PRLR: variants seen among roughly 807,000 people sequenced by gnomAD.
PRLR encodes the protein hPRL receptor.
PRLR carries 13 observed loss-of-function variants against 40.2 expected under a neutral mutation model. That is an observed-to-expected ratio of 0.32 (90% CI 0.21 to 0.51). The LOEUF is 0.51. PRLR is among the 20% of genes least tolerant of loss of function. The pLI is 0.97. For synonymous variants in PRLR, 269 were observed against 278.7 expected (o/e 0.97, Z 0.35); for missense variants, 656 against 747.3 (o/e 0.88, Z 1.42).
At chr5:35,217,507 C>T (rs1453169436) in intron 1 of PRLR, among the ~76,000 whole-genome samples, 2 of 152,186 alleles carry the variant, frequency 1.3e-5, no homozygotes, top group South Asian at 2.1e-4. Context: ...AGAGTCACTG[C>T]TACTACTACT....
intron 2 of PRLR, among the ~76,000 whole-genome samples, chr5:35,117,549 C>A (rs1561315077): frequency 6.6e-6 from 1 of 152,142 alleles, no homozygotes; most frequent in South Asian, 2.1e-4. Flanking sequence ...GGTTTCCTTG[C>A]CACTGGCAGA....
chr5:35,198,204 G>T (rs1397512773), intron 1 of PRLR, among the ~76,000 whole-genome samples: 2 of 152,200 alleles, frequency 1.3e-5, no homozygotes, highest in Non-Finnish European at 2.9e-5. Context: ...CAATGCTGCT[G>T]GCAGGAAGAT....
chr5:35,085,995 G>T (rs190210295), intron 4 of PRLR, among the ~76,000 whole-genome samples: 114 of 152,044 alleles, frequency 7.5e-4, no homozygotes, highest in Admixed American at 6.0e-3. Flanking sequence ...ATATTGTACT[G>T]CTATGGCTGG....
chr5:35,078,609 A>G (rs1000552816), intron 5 of PRLR, among the ~76,000 whole-genome samples: 2 of 152,178 alleles, frequency 1.3e-5, no homozygotes, highest in African/African-American at 4.8e-5. Flanking sequence ...ACGGATTCAC[A>G]GCCGAATTCT....
intron 1 of PRLR, among the ~76,000 whole-genome samples, chr5:35,227,167 G>T (rs971793308): frequency 1.5e-4 from 23 of 152,196 alleles, no homozygotes; most frequent in African/African-American, 5.3e-4. Context: ...TCTTGTTGTT[G>T]CTACCCGTTA....
intron 1 of PRLR, among the ~76,000 whole-genome samples, chr5:35,189,562 C>T (rs143800256): frequency 0.052 from 7,408 of 142,008 alleles, 215 homozygotes; most frequent in Middle Eastern, 0.12. Flanking sequence ...GCCTGGGTGA[C>T]AGAGAGAAAC....
chr5:35,202,676 A>G lies in PRLR; in HGVS notation c.-106+27592T>C, dbSNP rs191237578. Among the ~76,000 whole-genome samples the G allele has an allele frequency of 3.9e-5, 6 of 152,314 alleles. No homozygotes were observed. In the East Asian group the frequency reaches 1.2e-3, roughly 29 times the overall value. Reference sequence around the variant, plus strand: ...GAGCAACAGCTATTTTTAAGTAACTAAAAGATTAAATTAGTGTCTTTTAGT... The same window carrying G: ...GAGCAACAGCTATTTTTAAGTAACTGAAAGATTAAATTAGTGTCTTTTAGT... On this transcript the variant is annotated intron_variant, in intron 1 of 9. Coordinates refer to ENST00000618457, the MANE Select transcript of PRLR (RefSeq NM_000949.7).
chr5:35,108,778 T>C (rs1301224886), intron 2 of PRLR, among the ~76,000 whole-genome samples: 3 of 152,204 alleles, frequency 2.0e-5, no homozygotes, highest in African/African-American at 7.2e-5. Context: ...ATCATAAAAA[T>C]GGCCATACTG....
At chr5:35,103,083 T>C (rs1023965960) in intron 2 of PRLR, among the ~76,000 whole-genome samples, 1 of 152,186 alleles carries the variant, frequency 6.6e-6, no homozygotes, top group African/African-American at 2.4e-5. Context: ...CTACCAAACC[T>C]GTAGGTAAAT....
intron 1 of PRLR, among the ~76,000 whole-genome samples, chr5:35,183,471 TC>T (rs749785104): frequency 1.2e-4 from 18 of 152,206 alleles, no homozygotes; most frequent in Non-Finnish European, 2.4e-4. Context: ...TCTTGATATA[TC>T]CTGGCCTTAA....
chr5:35,146,195 A>G (rs531511081), intron 1 of PRLR, among the ~76,000 whole-genome samples: 2 of 152,316 alleles, frequency 1.3e-5, no homozygotes, highest in Admixed American at 6.5e-5. Context: ...ACTATTTAGA[A>G]AGGACTGCAC....
intron 1 of PRLR, among the ~76,000 whole-genome samples, chr5:35,198,282 A>G (rs1775790964): frequency 6.6e-6 from 1 of 152,220 alleles, no homozygotes; most frequent in Non-Finnish European, 1.5e-5. Context: ...GCCCCAGCAG[A>G]GTATCGCTTA....
downstream of PRLR, among the ~76,000 whole-genome samples, chr5:35,053,382 G>T (rs967507182): frequency 5.3e-5 from 8 of 152,218 alleles, no homozygotes; most frequent in African/African-American, 1.7e-4. Context: ...ACTGGGCATG[G>T]TGGCTCACGC....
intron 1 of PRLR, among the ~76,000 whole-genome samples, chr5:35,163,691 G>T (rs1774741283): frequency 6.6e-6 from 1 of 152,216 alleles, no homozygotes; most frequent in South Asian, 2.1e-4. Flanking sequence ...CATGTAAATT[G>T]AATAATAGAT....
In PRLR at chr5:35,130,702, G is replaced by A. The variant is rs114287628; in HGVS notation, c.-105-12580C>T. The stretch of plus-strand genomic sequence containing the variant: ...GTTATGGGTTGAATTGCATCCTCCC[G>A]AAAGAGACGCTGAAGTCCTCCAGTA... On this transcript the variant is annotated intron_variant, in intron 1 of 9. Coordinates refer to ENST00000618457, the MANE Select transcript of PRLR (RefSeq NM_000949.7). Among the ~76,000 whole-genome samples the A allele has an allele frequency of 5.0e-3, 768 of 152,270 alleles. 5 individuals are homozygous for A. The highest frequency in any genetic ancestry group is 0.016 in the African/African-American group (660 of 41,546).
chr5:35,172,071 A>G (rs756715815), intron 1 of PRLR, among the ~76,000 whole-genome samples: 1 of 152,226 alleles, frequency 6.6e-6, no homozygotes, highest in Non-Finnish European at 1.5e-5. Context: ...AGAGGTTAAC[A>G]GTGCAAGCTA....
In PRLR at chr5:35,072,558, G is replaced by T; in HGVS notation, c.543+17C>A. The stretch of plus-strand genomic sequence containing the variant: ...CCAAAGGCCATAGTTCCTTCAAAAA[G>T]CATATGGATCACTCACCTCCCACTC... On this transcript the variant is annotated intron_variant, in intron 6 of 9. Transcript: ENST00000618457. 1 of 1,610,578 alleles carries T rather than the reference G, an allele frequency of 6.2e-7. No homozygotes were observed. The highest frequency in any genetic ancestry group is 8.5e-7 in the Non-Finnish European group (1 of 1,178,164).
intron 1 of PRLR, among the ~76,000 whole-genome samples, chr5:35,216,182 G>A (rs1191500617): frequency 6.6e-6 from 1 of 152,268 alleles, no homozygotes; most frequent in East Asian, 1.9e-4. Flanking sequence ...CTACTATAAG[G>A]TGCTATTGGA....
chr5:35,119,976 A>G lies in PRLR; in HGVS notation c.-105-1854T>C, dbSNP rs368648899. Among the ~76,000 whole-genome samples the G allele has an allele frequency of 5.3e-5, 8 of 152,172 alleles. No individual in the cohort carries two copies. In the East Asian group the frequency reaches 1.5e-3, roughly 29 times the overall value. On this transcript the variant is annotated intron_variant, in intron 1 of 9. Transcript: ENST00000618457. ...GGCCCACTTGGTCCATTCATCTACT[A>G]TTCATTCAGCATTTAGGAAATGCTT...
Sources: allele counts gnomAD v4.1 joint callset (sites outside exome capture counted in the v4.1 genomes callset), GRCh38; gene constraint gnomAD v4.1.1; transcripts MANE v1.5; gene names NCBI Gene and HGNC (gene_info 2026-07-23, HGNC 2026-07-21).